TULP4: variants seen among roughly 807,000 people sequenced by gnomAD.
TULP4 encodes tubby-related protein 4.
Under a neutral mutation model 129.0 loss-of-function variants are expected in TULP4, and 16 were observed. The ratio of observed to expected loss-of-function variants is 0.12; its 90% CI spans 0.08 to 0.19. The LOEUF (loss-of-function observed/expected upper bound fraction) is 0.19. Among genes scored for constraint, TULP4 ranks in the 10% least tolerant of loss-of-function variants. The pLI, the probability that TULP4 is intolerant of heterozygous loss-of-function variation, is 1.00. For missense variants in TULP4, 1,842 were observed against 2,059.1 expected, an observed-to-expected ratio of 0.89 and a Z score of 2.04; for synonymous variants, 998 against 854.0, an observed-to-expected ratio of 1.17 and a Z score of -2.94.
At chr6:158,389,529 CT>C (rs546861277) in intron 1 of TULP4, among the ~76,000 whole-genome samples, 2 of 151,348 alleles carry the variant, frequency 1.3e-5, no homozygotes, top group African/African-American at 2.4e-5. Flanking sequence ...AGACAGCATA[CT>C]TTTTTTTTAA....
chr6:158,378,193 T>A (rs538475164), intron 1 of TULP4, among the ~76,000 whole-genome samples: 1 of 152,252 alleles, frequency 6.6e-6, no homozygotes, highest in South Asian at 2.1e-4. Context: ...CAGCATTCCG[T>A]TGGCCAAAGT....
In TULP4 at chr6:158,496,827, C is replaced by T. The variant is rs112599605; in HGVS notation, c.1871-1842C>T. 4.6e-3 allele frequency among the ~76,000 whole-genome samples: 697 copies of T among 152,266 alleles called. 3 individuals carry two copies. Among genetic ancestry groups the T allele is most frequent in the African/African-American group, 0.016 (667 of 41,544 alleles). ...CTTACAATGAGAGAGCATGTGAGAG[C>T]CTTTGAGACAAATGCTGGCCTTTTT... On this transcript the variant is annotated intron_variant, in intron 11 of 13. Coordinates refer to ENST00000367097, the MANE Select transcript of TULP4 (RefSeq NM_020245.5).
chr6:158,336,225 T>TA (rs1780029789), intron 1 of TULP4, among the ~76,000 whole-genome samples: 2 of 152,234 alleles, frequency 1.3e-5, no homozygotes, highest in Non-Finnish European at 2.9e-5. Context: ...AAGGGCCATT[T>TA]TAAAAATCTT....
chr6:158,235,288 A>C (rs762907506), intron 1 of TULP4, among the ~76,000 whole-genome samples: 1 of 152,108 alleles, frequency 6.6e-6, no homozygotes, highest in Non-Finnish European at 1.5e-5. Flanking sequence ...CAGATTCCCA[A>C]ACTGAAACTC....
upstream of TULP4, among the ~76,000 whole-genome samples, chr6:158,280,186 C>T (rs962059662): frequency 6.6e-6 from 1 of 152,052 alleles, no homozygotes; most frequent in Non-Finnish European, 1.5e-5. Context: ...TTAATCTTAC[C>T]ATGGTAGCAA....
chr6:158,319,912 A>G (rs1779586609), intron 1 of TULP4, among the ~76,000 whole-genome samples: 1 of 152,194 alleles, frequency 6.6e-6, no homozygotes, highest in Non-Finnish European at 1.5e-5. Flanking sequence ...AAATATGTTA[A>G]TGGTTCTAAT....
intron 6 of TULP4, among the ~76,000 whole-genome samples, chr6:158,478,024 A>G (rs750343813): frequency 1.3e-5 from 2 of 152,182 alleles, no homozygotes; most frequent in Non-Finnish European, 2.9e-5. Context: ...ACCAAATACC[A>G]TATATTCTCA....
Position 158,486,890 on chromosome 6 carries a change from T to C in TULP4, c.1487-2698T>C, listed in dbSNP as rs567954054. On this transcript the variant is annotated intron_variant, in intron 8 of 13. Transcript: ENST00000367097. ...CTTTGGGAGGCCAAGGCGGGAGGATTGCCTGAGCTCAGTAGTTCAAGACCA... is the reference window on the plus strand; with the variant it reads ...CTTTGGGAGGCCAAGGCGGGAGGATCGCCTGAGCTCAGTAGTTCAAGACCA... Among the ~76,000 whole-genome samples the C allele has an allele frequency of 7.2e-5, 11 of 152,076 alleles. No individual in the cohort carries two copies. In the East Asian group the frequency reaches 2.1e-3, roughly 29 times the overall value.
chr6:158,276,415 C>G (rs929846202), intron 1 of TULP4, among the ~76,000 whole-genome samples: 1 of 151,734 alleles, frequency 6.6e-6, no homozygotes, highest in African/African-American at 2.4e-5. Flanking sequence ...AGTCATCCTC[C>G]CGTCTCAGTC....
chr6:158,256,433 C>T (rs948774964), intron 1 of TULP4, among the ~76,000 whole-genome samples: 1 of 152,158 alleles, frequency 6.6e-6, no homozygotes, highest in Admixed American at 6.5e-5. Context: ...TGTGAACATC[C>T]TGTTGTTCTC....
intron 1 of TULP4, among the ~76,000 whole-genome samples, chr6:158,389,548 C>T (rs949530009): frequency 6.6e-6 from 1 of 151,892 alleles, no homozygotes; most frequent in East Asian, 1.9e-4. Context: ...TAATCATATA[C>T]GTTTAAAATT....
chr6:158,264,743 G>A (rs1032828800), intron 1 of TULP4, among the ~76,000 whole-genome samples: 3 of 152,174 alleles, frequency 2.0e-5, no homozygotes, highest in African/African-American at 7.2e-5. Flanking sequence ...CACCGCATGT[G>A]GGTTGTGGCA....
At chr6:158,347,202 T>G (rs1356857191) in intron 1 of TULP4, among the ~76,000 whole-genome samples, 3 of 152,248 alleles carry the variant, frequency 2.0e-5, no homozygotes, top group Non-Finnish European at 4.4e-5. Flanking sequence ...GCATAGTTTT[T>G]TAGTTCATTG....
At chr6:158,415,617 C>T (rs1381189022) in intron 2 of TULP4, among the ~76,000 whole-genome samples, 1 of 151,170 alleles carries the variant, frequency 6.6e-6, no homozygotes, top group African/African-American at 2.4e-5. Flanking sequence ...GCGTCAGCCT[C>T]CCAAAGTGCT....
At chr6:158,242,013 AATG>A in intron 1 of TULP4, 1 of 827,006 alleles carries the variant, frequency 1.2e-6, no homozygotes, top group East Asian at 2.4e-5. Context: ...TGTTAATGGT[AATG>A]ATGTTATTTG....
At chr6:158,370,278 G>A (rs543242605) in intron 1 of TULP4, among the ~76,000 whole-genome samples, 121 of 151,428 alleles carry the variant, frequency 8.0e-4, no homozygotes, top group African/African-American at 2.8e-3. Flanking sequence ...CCAACATGGC[G>A]AAACCCCATC....
intron 6 of TULP4, among the ~76,000 whole-genome samples, chr6:158,471,241 A>G (rs753598733): frequency 1.3e-5 from 2 of 152,216 alleles, no homozygotes; most frequent in Admixed American, 6.5e-5. Context: ...GAAAAGCACA[A>G]GGAAGATTCG....
intron 1 of TULP4, among the ~76,000 whole-genome samples, chr6:158,286,605 G>A (rs1256787979): frequency 6.6e-6 from 1 of 152,192 alleles, no homozygotes; most frequent in African/African-American, 2.4e-5. Flanking sequence ...TCAGTATGAT[G>A]ATATCACTTA....
At chr6:158,301,305 C>T (rs1420899302) in intron 1 of TULP4, among the ~76,000 whole-genome samples, 1 of 152,102 alleles carries the variant, frequency 6.6e-6, no homozygotes. Context: ...GTTACTGGAG[C>T]CATCAGTGAA....
Sources: allele counts gnomAD v4.1 joint callset (sites outside exome capture counted in the v4.1 genomes callset), GRCh38; gene constraint gnomAD v4.1.1; transcripts MANE v1.5; gene names NCBI Gene and HGNC (gene_info 2026-07-23, HGNC 2026-07-21).